Variants in PRKN observed in about 807,000 individuals in gnomAD.
PRKN encodes parkin RBR E3 ubiquitin protein ligase, also known as E3 ubiquitin-protein ligase parkin.
A neutral mutation model predicts 59.5 loss-of-function variants in PRKN; 56 were observed. That is an observed-to-expected ratio of 0.94 (90% CI 0.76 to 1.18). The LOEUF is 1.18. Among genes scored for constraint, PRKN ranks in the 50% most tolerant of loss-of-function variants. PRKN has a pLI of 0.00. For missense variants in PRKN, 657 were observed against 596.4 expected, an observed-to-expected ratio of 1.10 and a Z score of -1.06; for synonymous variants, 250 against 222.1, an observed-to-expected ratio of 1.13 and a Z score of -1.12.
At chr6:162,236,065 G>C (rs990122573) in intron 3 of PRKN, among the ~76,000 whole-genome samples, 1 of 152,028 alleles carries the variant, frequency 6.6e-6, no homozygotes, top group Non-Finnish European at 1.5e-5. Flanking sequence ...CTTACTGCCA[G>C]GTCCCCCTTT....
chr6:161,611,080 G>GCC (rs1782473040), intron 7 of PRKN, among the ~76,000 whole-genome samples: 1 of 152,138 alleles, frequency 6.6e-6, no homozygotes, highest in Non-Finnish European at 1.5e-5. Flanking sequence ...AAATATAGGG[G>GCC]CCACTGTGGT....
At chr6:161,476,050 G>A (rs112824325) in intron 9 of PRKN, among the ~76,000 whole-genome samples, 2,564 of 151,910 alleles carry the variant, frequency 0.017, 66 homozygotes, top group African/African-American at 0.059. Context: ...AGCCGGGCGT[G>A]GTGGCGGGCG....
intron 2 of PRKN, among the ~76,000 whole-genome samples, chr6:162,369,220 T>C (rs534056461): frequency 3.9e-5 from 6 of 152,184 alleles, no homozygotes; most frequent in Non-Finnish European, 8.8e-5. Flanking sequence ...ATAAGTTCTT[T>C]TGTTGCTATT....
rs2128233261 is a variant in PRKN, at chr6:161,895,524, C to T, written c.734+77778G>A. ...CCCACCCCACCTGCCGTTATGCCCCCCAGTGAGGCTTCTGAGATTCAGGAG... is the reference window on the plus strand; with the variant it reads ...CCCACCCCACCTGCCGTTATGCCCCTCAGTGAGGCTTCTGAGATTCAGGAG... On this transcript the variant is annotated intron_variant, in intron 6 of 11. Coordinates refer to ENST00000366898, the MANE Select transcript of PRKN (RefSeq NM_004562.3). 1.9e-5 allele frequency among the ~76,000 whole-genome samples: 2 copies of T among 103,570 alleles called. 1 individual carries two copies. The allele number at this position is 103,570 out of a possible 152,430, so 67.9% of individuals were successfully genotyped here.
At chr6:161,736,498 G>T (rs1787969923) in intron 7 of PRKN, among the ~76,000 whole-genome samples, 1 of 152,174 alleles carries the variant, frequency 6.6e-6, no homozygotes, top group African/African-American at 2.4e-5. Flanking sequence ...CTGAGAAGAG[G>T]GAGTTGCAAC....
chr6:162,143,044 G>C (rs1056686265), intron 4 of PRKN, among the ~76,000 whole-genome samples: 1 of 152,170 alleles, frequency 6.6e-6, no homozygotes, highest in African/African-American at 2.4e-5. Context: ...AATTGTTCTA[G>C]GAGATGTTCT....
intron 3 of PRKN, among the ~76,000 whole-genome samples, chr6:162,203,525 A>G (rs1337606017): frequency 6.6e-6 from 1 of 152,194 alleles, no homozygotes; most frequent in Non-Finnish European, 1.5e-5. Flanking sequence ...CACAATTAAA[A>G]GTTGGCAAGG....
chr6:162,539,866 A>AT (rs2128199445), intron 1 of PRKN, among the ~76,000 whole-genome samples: 1 of 152,332 alleles, frequency 6.6e-6, no homozygotes, highest in African/African-American at 2.4e-5. Context: ...TACCACAGTC[A>AT]TAATTTCCCA....
Position 161,419,147 on chromosome 6 carries a change from T to C in PRKN, c.1084-32270A>G, listed in dbSNP as rs1195940122. Among the ~76,000 whole-genome samples the C allele has an allele frequency of 6.6e-6, 1 of 152,170 alleles. No homozygotes were observed. The highest frequency in any genetic ancestry group is 1.9e-4 in the East Asian group (1 of 5,196). On this transcript the variant is annotated intron_variant, in intron 9 of 11. Transcript: ENST00000366898. The surrounding 1 kb of genome is among the most constrained non-coding windows in gnomAD (Gnocchi z 4.1). ...TAAATGCGTAGCTATGCAATGAAAA[T>C]GGTGAGAATCCTTTACGAGCTAACG...
In PRKN at chr6:162,485,463, T is replaced by C. The variant is rs962244075; in HGVS notation, c.8-41990A>G. 4.6e-5 allele frequency among the ~76,000 whole-genome samples: 7 copies of C among 152,292 alleles called. No homozygotes were observed. In the South Asian group the frequency reaches 1.5e-3, roughly 32 times the overall value. On this transcript the variant is annotated intron_variant, in intron 1 of 11. Transcript: ENST00000366898. ...CTTATAAAATAGGTAATTATTTCCTTTGAGGTCAGAAGTAGACTTAAATGT... is the reference window on the plus strand; with the variant it reads ...CTTATAAAATAGGTAATTATTTCCTCTGAGGTCAGAAGTAGACTTAAATGT...
chr6:161,550,235 A>G lies in PRKN; in HGVS notation c.934-1232T>C, dbSNP rs1389946688. Among the ~76,000 whole-genome samples the G allele has an allele frequency of 2.0e-5, 3 of 152,150 alleles. No homozygotes were observed. The highest frequency in any genetic ancestry group is 4.4e-5 in the Non-Finnish European group (3 of 68,018). On this transcript the variant is annotated intron_variant, in intron 8 of 11. Transcript: ENST00000366898. The surrounding 1 kb of genome is among the most constrained non-coding windows in gnomAD (Gnocchi z 4.0). ...GAGAACAAGGAGGGAAAAAAACAGAAGGTGAAGTTGGAGAGTTTGTGAGGA... is the reference window on the plus strand; with the variant it reads ...GAGAACAAGGAGGGAAAAAAACAGAGGGTGAAGTTGGAGAGTTTGTGAGGA...
chr6:162,452,623 A>C (rs886615457), intron 1 of PRKN, among the ~76,000 whole-genome samples: 4 of 152,212 alleles, frequency 2.6e-5, no homozygotes, highest in Non-Finnish European at 5.9e-5. Flanking sequence ...AAAAATCATA[A>C]TGGAATTCCA....
chr6:161,360,569 G>C lies in PRKN; in HGVS notation c.1168-364C>G, dbSNP rs944960595. Among the ~76,000 whole-genome samples the C allele has an allele frequency of 6.6e-6, 1 of 152,208 alleles. No homozygotes were observed. Among genetic ancestry groups the C allele is most frequent in the African/African-American group, 2.4e-5 (1 of 41,448 alleles). ...GACACTTCATCAGATGTGAAGTGAG[G>C]ATCTAGTTTTTATTCCACATTGAGG... is the stretch of plus-strand genomic sequence containing the variant. On this transcript the variant is annotated intron_variant, in intron 10 of 11. Transcript: ENST00000366898. The surrounding 1 kb of genome is among the most constrained non-coding windows in gnomAD (Gnocchi z 5.1).
At chr6:162,620,280 TGAG>T (rs1399157798) in intron 1 of PRKN, among the ~76,000 whole-genome samples, 1 of 152,174 alleles carries the variant, frequency 6.6e-6, no homozygotes. Context: ...TCAGTGAAAA[TGAG>T]GAACTGCTGC....
intron 6 of PRKN, among the ~76,000 whole-genome samples, chr6:161,965,838 A>G (rs1780557863): frequency 6.6e-6 from 1 of 152,060 alleles, no homozygotes; most frequent in African/African-American, 2.4e-5. Flanking sequence ...TCAGGTTAAG[A>G]CAAAAGACTG....
intron 1 of PRKN, among the ~76,000 whole-genome samples, chr6:162,588,013 GTT>G (rs71004102): frequency 8.8e-5 from 12 of 136,594 alleles, no homozygotes; most frequent in Admixed American, 1.5e-4. Context: ...GAGTTTTTGA[GTT>G]TTTTTTTTTT....
At chr6:161,918,616 T>C (rs921152656) in intron 6 of PRKN, among the ~76,000 whole-genome samples, 2 of 152,204 alleles carry the variant, frequency 1.3e-5, no homozygotes, top group African/African-American at 4.8e-5. Flanking sequence ...TGCATTATCT[T>C]TGTACCCACA....
intron 2 of PRKN, among the ~76,000 whole-genome samples, chr6:162,317,367 T>C (rs1268662570): frequency 2.6e-5 from 4 of 152,204 alleles, no homozygotes; most frequent in East Asian, 3.9e-4. Flanking sequence ...CCTGTCTCCA[T>C]GTAAGACCTG....
intron 7 of PRKN, among the ~76,000 whole-genome samples, chr6:161,765,182 A>G (rs1253189667): frequency 6.6e-6 from 1 of 152,226 alleles, no homozygotes; most frequent in Non-Finnish European, 1.5e-5. Context: ...ACATTCCTAT[A>G]AACACATCAT....
Sources: gnomAD v4.1 joint callset for allele counts (sites outside exome capture counted in the v4.1 genomes callset) on GRCh38, gnomAD v4.1.1 for gene constraint, Gnocchi (gnomAD v3.1) non-coding constraint, MANE v1.5 for transcripts, NCBI Gene and HGNC (gene_info 2026-07-23, HGNC 2026-07-21) for gene names.